The following VPS13A variants were observed in gnomAD, a reference collection of about 807,000 sequenced individuals.
The protein encoded by VPS13A is vacuolar protein sorting 13 homolog A.
VPS13A carries 264 observed loss-of-function variants against 390.9 expected under a neutral mutation model. That is an observed-to-expected ratio of 0.68 (90% confidence interval 0.61 to 0.75). The LOEUF is 0.75. Ranked by LOEUF, VPS13A falls within the 30% of genes least tolerant of loss-of-function variation. The pLI is 0.00. For synonymous variants in VPS13A, 1,231 were observed against 1,227.1 expected (o/e 1.00, Z -0.07); for missense variants, 3,409 against 3,733.9 (o/e 0.91, Z 2.27).
At position 77,275,821 on chromosome 9, in the gene VPS13A, T is replaced by A. The variant is rs114175659; in HGVS notation, c.2667+169T>A. Among the ~76,000 whole-genome samples, 3,957 of 151,644 alleles carry A rather than the reference T, an allele frequency of 0.026. 171 individuals carry two copies. The highest frequency in any genetic ancestry group is 0.089 in the African/African-American group (3,689 of 41,266). On this transcript the variant is annotated intron_variant, in intron 25 of 71. Transcript: ENST00000360280. Reference sequence around the variant, plus strand: ...ACTCCCCGCCCCCCCCTTTTTTTTTTAAATAAGATTAACTTCCTTAATCAA... The same window carrying A: ...ACTCCCCGCCCCCCCCTTTTTTTTTAAAATAAGATTAACTTCCTTAATCAA...
chr9:77,298,115 C>T (rs956825667), intron 33 of VPS13A, among the ~76,000 whole-genome samples: 1 of 152,080 alleles, frequency 6.6e-6, no homozygotes, highest in Non-Finnish European at 1.5e-5. Context: ...TGCAGAAAAA[C>T]CCAGTAGAAT....
At chr9:77,381,688 T>C (rs1833446199) in intron 67 of VPS13A, among the ~76,000 whole-genome samples, 1 of 152,112 alleles carries the variant, frequency 6.6e-6, no homozygotes, top group Admixed American at 6.5e-5. Flanking sequence ...CCTTTTTGTT[T>C]ATAGCATTAT....
chr9:77,392,046 C>T (rs1383398981), intron 68 of VPS13A, among the ~76,000 whole-genome samples: 1 of 152,096 alleles, frequency 6.6e-6, no homozygotes, highest in Non-Finnish European at 1.5e-5. Flanking sequence ...AAAACACATG[C>T]CACGTTAGAG....
intron 61 of VPS13A, among the ~76,000 whole-genome samples, chr9:77,367,419 A>T (rs1233511799): frequency 6.6e-6 from 1 of 152,228 alleles, no homozygotes; most frequent in African/African-American, 2.4e-5. Flanking sequence ...AGAATTGATT[A>T]TTAAGAACAG....
chr9:77,398,869 G>C (rs1834231174), intron 68 of VPS13A, among the ~76,000 whole-genome samples: 1 of 151,420 alleles, frequency 6.6e-6, no homozygotes, highest in Non-Finnish European at 1.5e-5. Flanking sequence ...CCTTTGTAGG[G>C]ACATGGATGA....
intron 68 of VPS13A, among the ~76,000 whole-genome samples, chr9:77,387,635 C>T (rs1042944286): frequency 6.6e-6 from 1 of 152,136 alleles, no homozygotes; most frequent in Non-Finnish European, 1.5e-5. Flanking sequence ...TTAATTAGTA[C>T]TCACATGGGA....
At chr9:77,353,052 A>C (rs1307363511) in intron 53 of VPS13A, among the ~76,000 whole-genome samples, 1 of 152,124 alleles carries the variant, frequency 6.6e-6, no homozygotes, top group Non-Finnish European at 1.5e-5. Flanking sequence ...TTCAAACTGA[A>C]ACAACTTTTA....
chr9:77,371,751 C>T (rs574865426), intron 67 of VPS13A, among the ~76,000 whole-genome samples: 2 of 149,672 alleles, frequency 1.3e-5, no homozygotes, highest in East Asian at 2.0e-4. Flanking sequence ...TGGTGCGCTG[C>T]ACCCACTAAC....
chr9:77,359,612 G>C (rs1832025350), intron 58 of VPS13A, among the ~76,000 whole-genome samples: 1 of 152,186 alleles, frequency 6.6e-6, no homozygotes, highest in Non-Finnish European at 1.5e-5. Flanking sequence ...GAGGTCGGGA[G>C]TTCGAGACCA....
Position 77,337,310 on chromosome 9 carries a change from G to A in VPS13A, c.6151G>A (p.Asp2051Asn). ...GAACTATCAAATGTGTGAAGGAATT[G>A]ACTTTGAAGAGATTATAAAAAATGA... The part of the protein sequence containing the change: ...DENYQMCEGI[D>N]FEEIIKNDGA... The change falls in exon 47 of 72, where the codon GAC becomes AAC. Residue 2051 changes from aspartate (D) to asparagine (N), a missense_variant. Transcript: ENST00000360280. The A allele has an allele frequency of 6.2e-7, 1 of 1,612,900 alleles. No individual in the cohort carries two copies.
chr9:77,306,920 T>TA (rs1246941957), intron 34 of VPS13A, among the ~76,000 whole-genome samples: 2 of 151,016 alleles, frequency 1.3e-5, no homozygotes, highest in Non-Finnish European at 3.0e-5. Context: ...ATTTTTTTTT[T>TA]TTTTTTTTGA....
At position 77,355,662 on chromosome 9, in the gene VPS13A, C is replaced by A. The variant is rs562420185; in HGVS notation, c.7653-1052C>A. Reference sequence around the variant, plus strand: ...TGTACACTAAACCTTTTATTTCCTCCTTCTACCAAAACTCCAGCTTTCCAA... The same window carrying A: ...TGTACACTAAACCTTTTATTTCCTCATTCTACCAAAACTCCAGCTTTCCAA... On this transcript the variant is annotated intron_variant, in intron 54 of 71. Transcript: ENST00000360280. 2.6e-5 allele frequency among the ~76,000 whole-genome samples: 4 copies of A among 152,260 alleles called. No individual in the cohort carries two copies. In the East Asian group the frequency reaches 7.7e-4, roughly 29 times the overall value.
At chr9:77,310,800 T>C (rs1324407551) in intron 35 of VPS13A, among the ~76,000 whole-genome samples, 1 of 152,188 alleles carries the variant, frequency 6.6e-6, no homozygotes, top group African/African-American at 2.4e-5. Flanking sequence ...ATGTCTGCAA[T>C]TGATGTAACA....
Position 77,308,080 on chromosome 9 carries a change from G to A in VPS13A, c.4096G>A (p.Ala1366Thr). Reference sequence around the variant, plus strand: ...TGCCACTAGTGGAGTTACTACTAATGCTTCACACCATTCAGGAGGTATGTT... The same window carrying A: ...TGCCACTAGTGGAGTTACTACTAATACTTCACACCATTCAGGAGGTATGTT... The part of the protein sequence containing the change: ...YSATSGVTTN[A>T]SHHSGGATVV... Residue 1366 changes from alanine to threonine, a missense_variant, in exon 35 of 72, where the codon GCT (alanine) becomes ACT (threonine). Ala to Thr is a moderately conservative substitution (Grantham distance 58). Coordinates refer to ENST00000360280, the MANE Select transcript of VPS13A (RefSeq NM_033305.3). The A allele has an allele frequency of 6.2e-7, 1 of 1,613,894 alleles. No individual in the cohort carries two copies. Among genetic ancestry groups the A allele is most frequent in the Middle Eastern group, 1.7e-4 (1 of 6,058 alleles).
chr9:77,401,193 T>A (rs1173117464), intron 68 of VPS13A, among the ~76,000 whole-genome samples: 1 of 152,142 alleles, frequency 6.6e-6, no homozygotes, highest in Non-Finnish European at 1.5e-5. Flanking sequence ...CCAGAGTAGT[T>A]CTTCTCATTC....
intron 23 of VPS13A, among the ~76,000 whole-genome samples, chr9:77,268,009 C>T (rs577558691): frequency 8.5e-5 from 13 of 152,316 alleles, no homozygotes; most frequent in African/African-American, 2.9e-4. Flanking sequence ...TGGTGATTCC[C>T]GCTCCCCCCA....
intron 32 of VPS13A, among the ~76,000 whole-genome samples, chr9:77,294,462 T>G (rs950468835): frequency 2.6e-5 from 4 of 152,198 alleles, no homozygotes; most frequent in Non-Finnish European, 5.9e-5. Flanking sequence ...TTTTAGTGTA[T>G]GAACTAGGTA....
At chr9:77,213,182 A>G (rs1826068262) in intron 8 of VPS13A, 52 bp from the exon 9 acceptor site, 2 of 1,574,520 alleles carry the variant, frequency 1.3e-6, no homozygotes, top group East Asian at 2.2e-5. Flanking sequence ...AAAATAGTGT[A>G]TGATAAAAAT....
intron 4 of VPS13A, 29 bp downstream of exon 4, chr9:77,205,437 TAA>T (rs773504043): frequency 2.7e-6 from 3 of 1,110,734 alleles, no homozygotes; most frequent in South Asian, 4.9e-5. Context: ...AATTATAATT[TAA>T]GTTATTCTTT....
Sources: allele counts gnomAD v4.1 joint callset (sites outside exome capture counted in the v4.1 genomes callset), GRCh38; gene constraint gnomAD v4.1.1; transcripts MANE v1.5; gene names NCBI Gene and HGNC (gene_info 2026-07-23, HGNC 2026-07-21).